Variants in PIAS2 observed in about 807,000 individuals in gnomAD.
PIAS2 encodes protein inhibitor of activated STAT 2.
PIAS2 carries 19 observed loss-of-function variants against 69.7 expected under a neutral mutation model. The observed-to-expected ratio is 0.27, with a 90% CI of 0.19 to 0.40. PIAS2 has a LOEUF of 0.40. Ranked by LOEUF, PIAS2 falls within the 10% of genes least tolerant of loss-of-function variation. The pLI is 1.00. For missense variants in PIAS2, 624 were observed against 757.0 expected (o/e 0.82, Z 2.06); for synonymous variants, 261 against 263.2 (o/e 0.99, Z 0.08).
chr18:46,822,784 G>GT (rs1382819689), intron 11 of PIAS2, among the ~76,000 whole-genome samples: 1 of 152,042 alleles, frequency 6.6e-6, no homozygotes, highest in Non-Finnish European at 1.5e-5. Context: ...GAGAGACTGG[G>GT]GTATACGTGA....
At chr18:46,830,267 G>C (rs1217706160) in intron 9 of PIAS2, among the ~76,000 whole-genome samples, 1 of 152,034 alleles carries the variant, frequency 6.6e-6, no homozygotes, top group Non-Finnish European at 1.5e-5. Flanking sequence ...AAAGGATAAT[G>C]GGGTAGGGGA....
At chr18:46,849,072 A>AAGGAT (rs1214529789) in intron 5 of PIAS2, among the ~76,000 whole-genome samples, 4 of 152,186 alleles carry the variant, frequency 2.6e-5, no homozygotes, top group Non-Finnish European at 4.4e-5. Context: ...GGTCTGTCAG[A>AAGGAT]AGGATAGAAA....
rs575502674 is a variant in PIAS2, at chr18:46,843,317, C to A, written c.1041+737G>T. Among the ~76,000 whole-genome samples the A allele has an allele frequency of 1.2e-4, 19 of 152,306 alleles. 2 individuals carry two copies. The South Asian group carries it at 3.9e-3, about 32-fold the overall frequency. ...ATGGTGGGTAGTCATCAAATACCCA[C>A]AAAACTACATTATAAATTCCTGATT... On this transcript the variant is annotated intron_variant, in intron 8 of 13. Transcript: ENST00000585916.
upstream of PIAS2, among the ~76,000 whole-genome samples, chr18:46,918,225 G>A (rs964345829): frequency 6.6e-6 from 1 of 152,158 alleles, no homozygotes; most frequent in Non-Finnish European, 1.5e-5. Flanking sequence ...TGCTGATATA[G>A]GATGAAGGAA....
intron 13 of PIAS2, among the ~76,000 whole-genome samples, chr18:46,813,081 T>C (rs968358605): frequency 1.3e-5 from 2 of 152,172 alleles, no homozygotes; most frequent in Non-Finnish European, 2.9e-5. Flanking sequence ...TTATGAATGT[T>C]AAGGCTGACC....
At chr18:46,815,992 G>T (rs1164230953) in intron 12 of PIAS2, 1 of 984,970 alleles carries the variant, frequency 1.0e-6, no homozygotes, top group Non-Finnish European at 1.2e-6. Context: ...GTAAAAGGTT[G>T]TCCAGTAATA....
chr18:46,886,299 G>A (rs184780738), intron 2 of PIAS2, among the ~76,000 whole-genome samples: 1 of 152,194 alleles, frequency 6.6e-6, no homozygotes, highest in East Asian at 1.9e-4. Flanking sequence ...AAATTTGCTA[G>A]TCCTTCAACA....
At chr18:46,824,602 G>C (rs1359187028) in intron 11 of PIAS2, among the ~76,000 whole-genome samples, 1 of 152,102 alleles carries the variant, frequency 6.6e-6, no homozygotes, top group Non-Finnish European at 1.5e-5. Flanking sequence ...CATCAAAATG[G>C]CAATGATTCT....
intron 1 of PIAS2, among the ~76,000 whole-genome samples, chr18:46,910,952 A>C (rs911966412): frequency 1.3e-5 from 2 of 152,166 alleles, no homozygotes; most frequent in African/African-American, 4.8e-5. Flanking sequence ...TATTCCTGTA[A>C]AATAAAAAAG....
chr18:46,867,495 T>C (rs1200170121), intron 2 of PIAS2, among the ~76,000 whole-genome samples: 2 of 152,210 alleles, frequency 1.3e-5, no homozygotes, highest in East Asian at 3.8e-4. Flanking sequence ...GGATGCAAAG[T>C]ATGCAGGTTT....
chr18:46,819,966 G>A (rs1046555412), intron 12 of PIAS2, among the ~76,000 whole-genome samples: 3 of 152,206 alleles, frequency 2.0e-5, no homozygotes, highest in African/African-American at 7.2e-5. Flanking sequence ...TGTGATTGCA[G>A]TTACCTGTGG....
intron 2 of PIAS2, among the ~76,000 whole-genome samples, chr18:46,883,863 A>C (rs759341679): frequency 6.6e-6 from 1 of 152,104 alleles, no homozygotes; most frequent in Non-Finnish European, 1.5e-5. Flanking sequence ...AAAATCAGTC[A>C]GGTGTGGTGG....
intron 11 of PIAS2, among the ~76,000 whole-genome samples, chr18:46,825,709 T>C (rs1210144131): frequency 2.6e-5 from 4 of 152,248 alleles, no homozygotes; most frequent in Non-Finnish European, 1.5e-5. Flanking sequence ...ATTTTATTAA[T>C]GCTAAGAACA....
intron 12 of PIAS2, 93 bp downstream of exon 12, chr18:46,820,840 T>G: frequency 1.6e-6 from 2 of 1,248,516 alleles, no homozygotes; most frequent in Non-Finnish European, 2.2e-6. Flanking sequence ...GCACCTCTAC[T>G]GAAAATTTCA....
intron 12 of PIAS2, among the ~76,000 whole-genome samples, chr18:46,819,986 G>A (rs1279668077): frequency 6.6e-6 from 1 of 152,144 alleles, no homozygotes; most frequent in Non-Finnish European, 1.5e-5. Flanking sequence ...GTCAACTGCA[G>A]TCAGAAAATA....
intron 1 of PIAS2, chr18:46,914,978 T>C (rs1333258140): frequency 6.6e-6 from 1 of 152,196 alleles, no homozygotes; most frequent in African/African-American, 2.4e-5. Context: ...AGTCTGTTTT[T>C]CTTCCTTTAT....
intron 1 of PIAS2, chr18:46,891,780 G>T: frequency 4.7e-6 from 1 of 213,196 alleles, no homozygotes; most frequent in Non-Finnish European, 8.1e-6. Context: ...CTACTCTACT[G>T]GCTTGTGCTT....
intron 9 of PIAS2, among the ~76,000 whole-genome samples, chr18:46,834,982 A>G (rs1212844542): frequency 6.6e-6 from 1 of 152,164 alleles, no homozygotes; most frequent in Non-Finnish European, 1.5e-5. Context: ...CTTGAAGAAA[A>G]CTCCACAGAC....
chr18:46,918,987 G>A (rs1462002659), upstream of PIAS2, among the ~76,000 whole-genome samples: 1 of 142,028 alleles, frequency 7.0e-6, no homozygotes, highest in African/African-American at 2.7e-5. Flanking sequence ...ATATATATGT[G>A]TGTGCGTGTA....
Sources: gnomAD v4.1 joint callset for allele counts (sites outside exome capture counted in the v4.1 genomes callset) on GRCh38, gnomAD v4.1.1 for gene constraint, MANE v1.5 for transcripts, NCBI Gene and HGNC (gene_info 2026-07-23, HGNC 2026-07-21) for gene names.